The following TRAPPC2 variants were observed in gnomAD, a reference collection of about 807,000 sequenced individuals.
TRAPPC2 encodes the protein sedlin.
A neutral mutation model predicts 10.0 loss-of-function variants in TRAPPC2; 4 were observed. The observed-to-expected ratio is 0.40, with a 90% CI of 0.20 to 0.92. The LOEUF (loss-of-function observed/expected upper bound fraction) is 0.92. TRAPPC2 is among the 40% of genes least tolerant of loss of function. The pLI is 0.35. For missense variants in TRAPPC2, 52 were observed against 108.7 expected, an observed-to-expected ratio of 0.48 and a Z score of 2.32; for synonymous variants, 36 against 37.3, an observed-to-expected ratio of 0.97 and a Z score of 0.12.
intron 2 of TRAPPC2, chrX:13,722,014 C>T (rs760065864): frequency 7.3e-5 from 8 of 108,874 alleles, no homozygotes; most frequent in South Asian, 3.9e-4. Context: ...ATAACAAAGA[C>T]GAGCTGGAAT....
rs760374275 is a variant in TRAPPC2 at position 13,715,746 on chromosome X, GACA to G, written c.324+255_324+257del. On this transcript the variant is annotated intron_variant, in intron 5 of 5. Transcript: ENST00000380579. ...GATCCCTAATAAAATCAGCTATGAG[GACA>G]ACAAGGTGAAGAATGAAACCAATTT... 1,018 of 869,290 alleles carry G rather than the reference GACA, an allele frequency of 1.2e-3. 1 individual carries two copies. The highest frequency in any genetic ancestry group is 2.1e-3 in the Middle Eastern group (4 of 1,887). 71.6% of individuals were successfully genotyped at this position (869,290 alleles called of 1,213,427 possible). A position where few individuals can be genotyped will look rare whatever the true frequency, so the allele number is the denominator to read the frequency against.
intron 5 of TRAPPC2, among the ~76,000 whole-genome samples, chrX:13,715,084 ATTAC>A (rs1217506820): frequency 1.8e-5 from 2 of 112,869 alleles, no homozygotes; most frequent in Non-Finnish European, 3.7e-5. Context: ...AGGGCTAAAT[ATTAC>A]TTACTACCTC....
chrX:13,727,815 G>T (rs1351264700), intron 2 of TRAPPC2, among the ~76,000 whole-genome samples: 1 of 111,650 alleles, frequency 9.0e-6, no homozygotes, highest in Non-Finnish European at 1.9e-5. Flanking sequence ...CCAGGAGCTG[G>T]TTTTTTCAAA....
At chrX:13,723,296 T>C (rs1193854169) in intron 2 of TRAPPC2, among the ~76,000 whole-genome samples, 2 of 110,226 alleles carry the variant, frequency 1.8e-5, no homozygotes, top group Non-Finnish European at 3.8e-5. Context: ...GCCTCTTGAG[T>C]AGCCAGGAGT....
intron 2 of TRAPPC2, among the ~76,000 whole-genome samples, chrX:13,725,345 T>A (rs2046523268): frequency 1.8e-5 from 2 of 112,328 alleles, no homozygotes; most frequent in South Asian, 7.3e-4. Flanking sequence ...CACCTCCCAG[T>A]AGGGGCCGAC....
chrX:13,723,964 GTAGAA>G (rs2046483853), intron 2 of TRAPPC2, among the ~76,000 whole-genome samples: 1 of 111,943 alleles, frequency 8.9e-6, no homozygotes, highest in African/African-American at 3.2e-5. Flanking sequence ...GGCCTTAAAA[GTAGAA>G]TAGGGAAGCA....
intron 5 of TRAPPC2, 149 bp downstream of exon 5, chrX:13,715,855 C>T (rs2046275286): frequency 1.5e-5 from 15 of 990,005 alleles, no homozygotes; most frequent in South Asian, 1.4e-4. Flanking sequence ...GACTTACCTG[C>T]GGAGGGAGTT....
intron 2 of TRAPPC2, among the ~76,000 whole-genome samples, chrX:13,726,000 A>AG (rs937837072): frequency 8.9e-6 from 1 of 112,139 alleles, no homozygotes; most frequent in African/African-American, 3.2e-5. Flanking sequence ...AGTAGAAGAA[A>AG]GGGTATCAGT....
intron 1 of TRAPPC2, 53 bp from the exon 2 acceptor site, chrX:13,734,238 C>T: frequency 2.5e-6 from 1 of 394,523 alleles, no homozygotes. Context: ...ACAGGACAGC[C>T]TCCCAAAACA....
intron 2 of TRAPPC2, among the ~76,000 whole-genome samples, chrX:13,733,447 G>A (rs969967308): frequency 1.8e-5 from 2 of 111,468 alleles, no homozygotes; most frequent in African/African-American, 3.3e-5. Context: ...CCTTTATTCT[G>A]TCTGCAACCA....
intron 5 of TRAPPC2, 28 bp from the exon 6 acceptor site, chrX:13,714,533 CA>C: frequency 1.2e-6 from 1 of 839,325 alleles, no homozygotes; most frequent in Non-Finnish European, 1.7e-6. Context: ...ATTAGTGAAG[CA>C]AAAAAGCTGA....
intron 2 of TRAPPC2, among the ~76,000 whole-genome samples, chrX:13,725,594 A>T (rs1196174921): frequency 8.9e-6 from 1 of 112,423 alleles, no homozygotes; most frequent in African/African-American, 3.2e-5. Flanking sequence ...CCAAAACCCC[A>T]TCTGTAGGTC....
At position 13,714,161 on chromosome X, in the gene TRAPPC2, AAAC is replaced by A. The variant is rs2046254815; in HGVS notation, c.*243_*245del. ...TGTATCAGAAAAAAAAAAAAAAAAA[AAAC>A]ATGATTATTGATAATGAACTCTTTA... is the stretch of plus-strand genomic sequence containing the variant. On this transcript the variant is annotated 3_prime_UTR_variant, in exon 6 of 6. Transcript: ENST00000380579. 5.0e-6 allele frequency: 1 copy of A among 199,539 alleles called. No homozygotes were observed. The highest frequency in any genetic ancestry group is 7.5e-5 in the Admixed American group (1 of 13,247). The allele number at this position is 199,539 out of a possible 1,213,427, so 16.4% of individuals were successfully genotyped here. A position where few individuals can be genotyped will look rare whatever the true frequency, so the allele number is the denominator to read the frequency against.
chrX:13,722,795 G>C (rs1309807768), intron 2 of TRAPPC2, among the ~76,000 whole-genome samples: 1 of 111,776 alleles, frequency 8.9e-6, no homozygotes, highest in African/African-American at 3.3e-5. Flanking sequence ...CAGGCGCGGT[G>C]GCTCACGCCT....
At chrX:13,733,038 C>T (rs1038287394) in intron 2 of TRAPPC2, among the ~76,000 whole-genome samples, 2 of 111,801 alleles carry the variant, frequency 1.8e-5, no homozygotes, top group Non-Finnish European at 3.8e-5. Context: ...ATTCTCCCTC[C>T]CCTAGAAGTT....
At chrX:13,728,355 A>G (rs1362329814) in intron 2 of TRAPPC2, among the ~76,000 whole-genome samples, 1 of 112,089 alleles carries the variant, frequency 8.9e-6, no homozygotes, top group Non-Finnish European at 1.9e-5. Context: ...TCCTCAATAA[A>G]ATACTGGCAA....
At chrX:13,733,748 C>CT (rs1311957675) in intron 2 of TRAPPC2, among the ~76,000 whole-genome samples, 24 of 106,686 alleles carry the variant, frequency 2.2e-4, no homozygotes, top group African/African-American at 6.5e-4. Flanking sequence ...AAGGTCGTGG[C>CT]TTTTTTTTTT....
At chrX:13,732,980 C>T (rs1332387933) in intron 2 of TRAPPC2, among the ~76,000 whole-genome samples, 1 of 112,274 alleles carries the variant, frequency 8.9e-6, no homozygotes, top group Non-Finnish European at 1.9e-5. Flanking sequence ...AGTAGGAATA[C>T]TACTGATAGG....
chrX:13,722,873 C>A (rs1172134878), intron 2 of TRAPPC2, among the ~76,000 whole-genome samples: 1 of 111,116 alleles, frequency 9.0e-6, no homozygotes, highest in Non-Finnish European at 1.9e-5. Flanking sequence ...ACCATCCTGG[C>A]TAACATGGTG....
Sources: allele counts gnomAD v4.1 joint callset (sites outside exome capture counted in the v4.1 genomes callset), GRCh38; gene constraint gnomAD v4.1.1; transcripts MANE v1.5; gene names NCBI Gene and HGNC (gene_info 2026-07-23, HGNC 2026-07-21).